The following PKMYT1 variants were observed in gnomAD, a reference collection of about 807,000 sequenced individuals.
PKMYT1 encodes the protein protein kinase, membrane associated tyrosine/threonine 1, also known as membrane-associated tyrosine- and threonine-specific cdc2-inhibitory kinase.
PKMYT1 carries 35 observed loss-of-function variants against 49.7 expected under a neutral mutation model. The observed-to-expected ratio is 0.70, with a 90% confidence interval of 0.54 to 0.93. PKMYT1 has a LOEUF of 0.93. Among genes scored for constraint, PKMYT1 ranks in the 40% least tolerant of loss-of-function variants. PKMYT1 has a pLI of 0.00. For synonymous variants in PKMYT1, 331 were observed against 287.6 expected, an observed-to-expected ratio of 1.15 and a Z score of -1.53; for missense variants, 677 against 673.1, an observed-to-expected ratio of 1.01 and a Z score of -0.06.
At position 2,974,014 on chromosome 16, in the gene PKMYT1, A is replaced by G; in HGVS notation, c.1296T>C (p.Asp432=). 1 of 1,612,680 alleles carries G rather than the reference A, an allele frequency of 6.2e-7. No individual in the cohort carries two copies. Among genetic ancestry groups the G allele is most frequent in the Non-Finnish European group, 8.5e-7 (1 of 1,179,842 alleles). Residue 432 remains aspartate, a synonymous_variant, in exon 7 of 9, where the codon GAT becomes GAC. Transcript: ENST00000262300. The stretch of plus-strand genomic sequence containing the variant: ...CTTGAACCCACCCTAGGCTGTCGTC[A>G]TCCCAGTTGCTGGAGAGGCTGCTGT... ...LLDSSLSSNW[D]DDSLGPSLSP... is the part of the protein sequence containing the mutation.
chr16:2,974,177 A>T lies in PKMYT1; in HGVS notation c.1153-20T>A. 6.3e-7 allele frequency: 1 copy of T among 1,585,300 alleles called. No homozygotes were observed. Among genetic ancestry groups the T allele is most frequent in the East Asian group, 2.3e-5 (1 of 43,720 alleles). On this transcript the variant is annotated intron_variant, in intron 6 of 8. Transcript: ENST00000262300. Reference sequence around the variant, plus strand: ...CAGGGCCTGTGGGGGAGAGGAGCTCAGGATGTGGGTGGGCGGACCCCCGGG... The same window carrying T: ...CAGGGCCTGTGGGGGAGAGGAGCTCTGGATGTGGGTGGGCGGACCCCCGGG...
In PKMYT1 at chr16:2,973,019, G is replaced by A. The variant is rs1348716265; in HGVS notation, c.1434C>T (p.Gly478=). 1 of 1,610,074 alleles carries A rather than the reference G, an allele frequency of 6.2e-7. No homozygotes were observed. Among genetic ancestry groups the A allele is most frequent in the Non-Finnish European group, 8.5e-7 (1 of 1,179,052 alleles). ...TCCGAGGCTCAAAGGAGGGGAAGGA[G>A]CCCCGAGGAGGCTCTGAGTTGATGT... ...LSDINSEPPR[G]SFPSFEPRNL... The change falls in exon 9 of 9, where the codon GGC becomes GGT. Residue 478 remains glycine, a synonymous_variant. Coordinates refer to ENST00000262300, the MANE Select transcript of PKMYT1 (RefSeq NM_004203.5).
intron 7 of PKMYT1, chr16:2,973,450 G>A (rs2072071771): frequency 6.6e-7 from 1 of 1,522,124 alleles, no homozygotes. Flanking sequence ...CATGGACTTG[G>A]AGGCAGATTT....
At position 2,976,880 on chromosome 16, in the gene PKMYT1, C is replaced by A; in HGVS notation, c.162G>T (p.Pro54=). The change falls in exon 3 of 9, where the codon CCG becomes CCT. Residue 54 remains proline (P), a synonymous_variant. Coordinates refer to ENST00000262300, the MANE Select transcript of PKMYT1 (RefSeq NM_004203.5). ...PRGLSRSLPP[P]PPAKGSIPIS... is the part of the protein sequence containing the mutation. ...TGGGAATGCTGCCCTTGGCAGGGGG[C>A]GGAGGTGGGAGGCTCCGGCTGAGCC... 1 of 1,532,488 alleles carries A rather than the reference C, an allele frequency of 6.5e-7. No individual in the cohort carries two copies. Among genetic ancestry groups the A allele is most frequent in the Non-Finnish European group, 8.8e-7 (1 of 1,133,832 alleles). The allele number at this position is 1,532,488 out of a possible 1,614,324, so 94.9% of individuals were successfully genotyped here.
chr16:2,973,848 A>C, intron 7 of PKMYT1, 152 bp downstream of exon 7: 6 of 854,724 alleles, frequency 7.0e-6, no homozygotes, highest in Non-Finnish European at 1.1e-5. Flanking sequence ...AAGCCTGGCC[A>C]GGCCACACAC....
chr16:2,979,980 T>G, intron 1 of PKMYT1, 68 bp from the exon 2 acceptor site: 2 of 399,706 alleles, frequency 5.0e-6, no homozygotes, highest in Non-Finnish European at 9.3e-6. Context: ...AGAGAGGCTG[T>G]CCCGGGGCAG....
rs574628255 is a variant in PKMYT1 at position 2,976,896 on chromosome 16, C to T, written c.146G>A (p.Arg49Gln). 80 of 1,537,020 alleles carry T rather than the reference C, an allele frequency of 5.2e-5. No individual in the cohort carries two copies. The South Asian group carries it at 6.6e-4, about 13-fold the overall frequency. The change falls in exon 3 of 9, where the codon CGG becomes CAG. Residue 49 changes from arginine (R) to glutamine (Q), a missense_variant. Coordinates refer to ENST00000262300, the MANE Select transcript of PKMYT1 (RefSeq NM_004203.5). Reference protein sequence around the residue: ...FSLKRPRGLSRSLPPPPPAKG... With the variant: ...FSLKRPRGLSQSLPPPPPAKG... ...GGCAGGGGGCGGAGGTGGGAGGCTC[C>T]GGCTGAGCCCCCTGGGCCTCTTGAG...
chr16:2,978,195 C>G (rs374805260), intron 2 of PKMYT1, among the ~76,000 whole-genome samples: 11 of 152,170 alleles, frequency 7.2e-5, no homozygotes, highest in African/African-American at 2.4e-4. Context: ...CTCTCCCCAC[C>G]CACCAACCCC....
chr16:2,974,133 G>A lies in PKMYT1; in HGVS notation c.1177C>T (p.Leu393Phe). 6.2e-7 allele frequency: 1 copy of A among 1,604,322 alleles called. No individual in the cohort carries two copies. The highest frequency in any genetic ancestry group is 8.5e-7 in the Non-Finnish European group (1 of 1,175,794). ...WQALLALLCW[L>F]WHGLAHPASW... is the part of the protein sequence containing the mutation. ...GCAGGGTGAGCCAGCCCATGCCAGA[G>A]CCAGCAGAGCAGGGCAAGCAGGGCC... Residue 393 changes from leucine to phenylalanine, a missense_variant, in exon 7 of 9, where the codon CTC (leucine) becomes TTC (phenylalanine). Transcript: ENST00000262300.
chr16:2,977,165 G>A (rs563094223), intron 2 of PKMYT1, 134 bp from the exon 3 acceptor site: 2 of 1,488,534 alleles, frequency 1.3e-6, no homozygotes, highest in Non-Finnish European at 1.8e-6. Context: ...ACGGCAATGG[G>A]AGCAATAAGC....
At chr16:2,973,559 C>A in intron 7 of PKMYT1, 1 of 814,036 alleles carries the variant, frequency 1.2e-6, no homozygotes, top group South Asian at 1.7e-5. Flanking sequence ...AAGGGGCTAA[C>A]GGCAGAGTCC....
At chr16:2,975,234 G>C in intron 4 of PKMYT1, 85 bp downstream of exon 4, 1 of 1,428,396 alleles carries the variant, frequency 7.0e-7, no homozygotes, top group Non-Finnish European at 9.3e-7. Flanking sequence ...GGCTAGGGTG[G>C]AGCTTCCCTC....
At chr16:2,975,200 G>A in intron 4 of PKMYT1, 119 bp downstream of exon 4, 2 of 1,240,710 alleles carry the variant, frequency 1.6e-6, no homozygotes, top group South Asian at 3.2e-5. Flanking sequence ...TCTCAGCCTT[G>A]TGGCTCTGAG....
chr16:2,975,895 C>T, intron 3 of PKMYT1, 83 bp from the exon 4 acceptor site: 1 of 1,456,568 alleles, frequency 6.9e-7, no homozygotes, highest in Non-Finnish European at 9.3e-7. Context: ...CTGGCAGACC[C>T]CATTAAGGGT....
Position 2,972,853 on chromosome 16 carries a change from G to A in PKMYT1, c.*100C>T. ...AATACTTTTTATTAGACACGGCCAG[G>A]CAGAGAAGACCATGGGAGTTCCCGA... On this transcript the variant is annotated 3_prime_UTR_variant, in exon 9 of 9. Transcript: ENST00000262300. The A allele has an allele frequency of 6.5e-7, 1 of 1,534,368 alleles. No homozygotes were observed.
At chr16:2,977,152 T>C (rs1472530449) in intron 2 of PKMYT1, 121 bp from the exon 3 acceptor site, 5 of 1,503,308 alleles carry the variant, frequency 3.3e-6, no homozygotes, top group Non-Finnish European at 4.4e-6. Flanking sequence ...TATTCTACTT[T>C]AAACGGCAAT....
At chr16:2,978,654 A>C (rs2072261425) in intron 2 of PKMYT1, among the ~76,000 whole-genome samples, 1 of 151,030 alleles carries the variant, frequency 6.6e-6, no homozygotes, top group Non-Finnish European at 1.5e-5. Context: ...AGGCTGAGGC[A>C]GGGGAATTGC....
At chr16:2,977,201 G>C (rs1230562322) in intron 2 of PKMYT1, 170 bp from the exon 3 acceptor site, 1 of 1,434,012 alleles carries the variant, frequency 7.0e-7, no homozygotes, top group Non-Finnish European at 9.2e-7. Context: ...GCAGAGGACA[G>C]ATTCATACTC....
chr16:2,973,241 A>T, intron 7 of PKMYT1, 26 bp from the exon 8 acceptor site: 1 of 1,481,842 alleles, frequency 6.7e-7, no homozygotes, highest in Non-Finnish European at 9.0e-7. Flanking sequence ...CGAGACAAGG[A>T]GGGTGTCCAG....
Sources: gnomAD v4.1 joint callset for allele counts (sites outside exome capture counted in the v4.1 genomes callset) on GRCh38, gnomAD v4.1.1 for gene constraint, MANE v1.5 for transcripts, NCBI Gene and HGNC (gene_info 2026-07-23, HGNC 2026-07-21) for gene names.